Variants in CNTNAP5 observed in about 807,000 individuals in gnomAD.
CNTNAP5 encodes the protein contactin associated protein family member 5.
A neutral mutation model predicts 150.2 loss-of-function variants in CNTNAP5; 72 were observed. The observed-to-expected ratio is 0.48, with a 90% CI of 0.40 to 0.58. The LOEUF is 0.58. Ranked by LOEUF, CNTNAP5 falls within the 20% of genes least tolerant of loss-of-function variation. The pLI, the probability that CNTNAP5 is intolerant of heterozygous loss-of-function variation, is 0.00. For synonymous variants in CNTNAP5, 672 were observed against 619.8 expected (o/e 1.08, Z -1.25); for missense variants, 1,636 against 1,626.2 (o/e 1.01, Z -0.10).
intron 20 of CNTNAP5, among the ~76,000 whole-genome samples, chr2:124,868,875 A>T (rs62173285): frequency 4.6e-5 from 7 of 152,080 alleles, no homozygotes; most frequent in Non-Finnish European, 1.0e-4. Context: ...TGGGAATAGC[A>T]CCATATGCAT....
At chr2:124,646,836 G>A (rs1553426563) in intron 12 of CNTNAP5, among the ~76,000 whole-genome samples, 1 of 152,082 alleles carries the variant, frequency 6.6e-6, no homozygotes, top group Non-Finnish European at 1.5e-5. Context: ...GGCTGGGCAC[G>A]CTGGCTCATG....
chr2:124,434,414 A>G (rs1692471452), intron 4 of CNTNAP5, 70 bp from the exon 5 acceptor site: 1 of 1,174,526 alleles, frequency 8.5e-7, no homozygotes, highest in Non-Finnish European at 1.3e-6. Context: ...ATGAAATAAG[A>G]TGGGAAACAG....
At chr2:124,151,387 T>G (rs1305727425) in intron 1 of CNTNAP5, among the ~76,000 whole-genome samples, 1 of 152,134 alleles carries the variant, frequency 6.6e-6, no homozygotes, top group Non-Finnish European at 1.5e-5. Flanking sequence ...CGCTTCCTCA[T>G]GAGCTTGCTT....
rs1678443912 is a variant in CNTNAP5, at chr2:124,902,952, C to A, written c.3507C>A (p.Val1169=). 1 of 1,613,010 alleles carries A rather than the reference C, an allele frequency of 6.2e-7. No individual in the cohort carries two copies. Among genetic ancestry groups the A allele is most frequent in the African/African-American group, 1.3e-5 (1 of 74,920 alleles). Residue 1169 remains valine, a synonymous_variant, in exon 22 of 24, where the codon GTC becomes GTA. Transcript: ENST00000682447. ...GTTTTGCTGGATGCATGTCTTCCGTCCAGTACAACCACATAGCACCACTGA... is the reference window on the plus strand; with the variant it reads ...GTTTTGCTGGATGCATGTCTTCCGTACAGTACAACCACATAGCACCACTGA... The part of the protein sequence containing the change: ...AMGFAGCMSS[V]QYNHIAPLKA...
intron 3 of CNTNAP5, among the ~76,000 whole-genome samples, chr2:124,399,050 T>C (rs80305878): frequency 0.045 from 6,792 of 152,294 alleles, 205 homozygotes; most frequent in Non-Finnish European, 0.069. Flanking sequence ...TTCCTTTAGC[T>C]TGTAAAGATT....
intron 13 of CNTNAP5, among the ~76,000 whole-genome samples, chr2:124,655,092 G>A (rs1678413597): frequency 6.6e-6 from 1 of 151,950 alleles, no homozygotes; most frequent in South Asian, 2.1e-4. Flanking sequence ...CCGCCATCTA[G>A]GTTTTAAGTC....
chr2:124,747,131 A>C lies in CNTNAP5; in HGVS notation c.2078-98A>C. On this transcript the variant is annotated intron_variant, in intron 13 of 23. Transcript: ENST00000682447. ...GAAGGGAAGGAGATTATCTATATAC[A>C]TCTATTCTCCAAGATATTTTCAGCT... The C allele has an allele frequency of 5.2e-6, 6 of 1,149,614 alleles. No homozygotes were observed. In the South Asian group the frequency reaches 6.1e-5, roughly 12 times the overall value. The allele number at this position is 1,149,614 out of a possible 1,614,324, so 71.2% of individuals were successfully genotyped here.
chr2:124,125,455 A>G (rs1375595513), intron 1 of CNTNAP5, among the ~76,000 whole-genome samples: 1 of 152,202 alleles, frequency 6.6e-6, no homozygotes. Flanking sequence ...CTCCCATGCA[A>G]TAACAATGGG....
intron 7 of CNTNAP5, 96 bp from the exon 8 acceptor site, chr2:124,504,196 T>C (rs1573418858): frequency 1.6e-6 from 2 of 1,268,358 alleles, no homozygotes; most frequent in African/African-American, 1.5e-5. Context: ...GGAATGATCC[T>C]GAAATTAAGG....
chr2:124,811,989 A>G (rs1169610640), intron 19 of CNTNAP5, among the ~76,000 whole-genome samples: 1 of 57,676 alleles, frequency 1.7e-5, no homozygotes. Flanking sequence ...TAAAATTTAT[A>G]TTTATATATT....
intron 3 of CNTNAP5, among the ~76,000 whole-genome samples, chr2:124,301,863 T>C (rs1046750248): frequency 2.0e-4 from 30 of 152,256 alleles, no homozygotes; most frequent in African/African-American, 6.8e-4. Context: ...AGTACTGTTA[T>C]GGACTATATT....
chr2:124,439,440 T>A (rs1441267882), intron 5 of CNTNAP5, among the ~76,000 whole-genome samples: 1 of 152,196 alleles, frequency 6.6e-6, no homozygotes, highest in Non-Finnish European at 1.5e-5. Context: ...TAACTATGCA[T>A]CATCAAAATC....
At chr2:124,161,079 A>G (rs1178912117) in intron 1 of CNTNAP5, among the ~76,000 whole-genome samples, 1 of 152,196 alleles carries the variant, frequency 6.6e-6, no homozygotes, top group Non-Finnish European at 1.5e-5. Context: ...AAGGAGGCTA[A>G]CAGTTAACTT....
chr2:124,655,300 C>T (rs1352714213), intron 13 of CNTNAP5, among the ~76,000 whole-genome samples: 1 of 152,044 alleles, frequency 6.6e-6, no homozygotes, highest in Non-Finnish European at 1.5e-5. Flanking sequence ...CAGCTTCATC[C>T]ATGTCCCTGC....
intron 11 of CNTNAP5, among the ~76,000 whole-genome samples, chr2:124,566,879 G>T (rs1696037072): frequency 6.6e-6 from 1 of 152,180 alleles, no homozygotes; most frequent in Non-Finnish European, 1.5e-5. Flanking sequence ...TGCAGAAGAT[G>T]GCACACAGGG....
intron 13 of CNTNAP5, among the ~76,000 whole-genome samples, chr2:124,694,537 A>T (rs1201249323): frequency 6.6e-6 from 1 of 152,196 alleles, no homozygotes; most frequent in Non-Finnish European, 1.5e-5. Flanking sequence ...AATAAAAATC[A>T]CTGATTATAA....
At chr2:124,634,295 A>G (rs1274991817) in intron 12 of CNTNAP5, among the ~76,000 whole-genome samples, 1 of 152,150 alleles carries the variant, frequency 6.6e-6, no homozygotes, top group Non-Finnish European at 1.5e-5. Flanking sequence ...CAAGCAGGCC[A>G]CATCGTGAAA....
At chr2:124,780,724 C>T (rs2104619997) in intron 17 of CNTNAP5, among the ~76,000 whole-genome samples, 1 of 152,172 alleles carries the variant, frequency 6.6e-6, no homozygotes, top group East Asian at 1.9e-4. Context: ...GAGGATGTGC[C>T]CAGACCAGAA....
chr2:124,792,556 C>A (rs1450107385), intron 18 of CNTNAP5, among the ~76,000 whole-genome samples: 1 of 151,936 alleles, frequency 6.6e-6, no homozygotes, highest in Non-Finnish European at 1.5e-5. Context: ...TAAAACCCAC[C>A]CTTTTAAGGT....
Sources: gnomAD v4.1 joint callset for allele counts (sites outside exome capture counted in the v4.1 genomes callset) on GRCh38, gnomAD v4.1.1 for gene constraint, MANE v1.5 for transcripts, NCBI Gene and HGNC (gene_info 2026-07-23, HGNC 2026-07-21) for gene names.